NDST4: variants seen among roughly 807,000 people sequenced by gnomAD.
NDST4 encodes the protein N-deacetylase and N-sulfotransferase 4.
In NDST4, 63 loss-of-function variants were observed where a neutral mutation model predicts 100.8. The observed-to-expected ratio is 0.62, with a 90% CI of 0.51 to 0.77. The LOEUF is 0.77. Ranked by LOEUF, NDST4 falls within the 30% of genes least tolerant of loss-of-function variation. NDST4 has a pLI of 0.00. For missense variants in NDST4, 943 were observed against 1,018.4 expected, an observed-to-expected ratio of 0.93 and a Z score of 1.01; for synonymous variants, 377 against 361.8, an observed-to-expected ratio of 1.04 and a Z score of -0.48.
intron 10 of NDST4, among the ~76,000 whole-genome samples, chr4:114,843,324 A>G (rs915927830): frequency 6.6e-6 from 1 of 152,096 alleles, no homozygotes; most frequent in Non-Finnish European, 1.5e-5. Context: ...TCCTATAGCC[A>G]TTCTTTCCTG....
intron 2 of NDST4, among the ~76,000 whole-genome samples, chr4:115,039,570 A>G (rs955182227): frequency 6.6e-6 from 1 of 152,190 alleles, no homozygotes; most frequent in African/African-American, 2.4e-5. Flanking sequence ...GCTGTTCATA[A>G]CAGCTATATC....
At chr4:114,830,421 A>G (rs1239742239) in intron 12 of NDST4, among the ~76,000 whole-genome samples, 2 of 152,232 alleles carry the variant, frequency 1.3e-5, no homozygotes, top group East Asian at 3.8e-4. Flanking sequence ...TACACTTTTC[A>G]AAAAACAAAT....
At chr4:114,941,502 T>C (rs1316338970) in intron 4 of NDST4, among the ~76,000 whole-genome samples, 1 of 152,202 alleles carries the variant, frequency 6.6e-6, no homozygotes, top group Non-Finnish European at 1.5e-5. Flanking sequence ...TCATTTTTTT[T>C]ATGAAAATGA....
chr4:114,851,292 T>G (rs1406814180), intron 8 of NDST4, among the ~76,000 whole-genome samples: 1 of 152,186 alleles, frequency 6.6e-6, no homozygotes, highest in Non-Finnish European at 1.5e-5. Context: ...CAATTGGATT[T>G]TAAGAATTAC....
At chr4:114,939,004 A>G (rs1216169774) in intron 4 of NDST4, among the ~76,000 whole-genome samples, 1 of 152,202 alleles carries the variant, frequency 6.6e-6, no homozygotes, top group African/African-American at 2.4e-5. Context: ...TTCCAACACA[A>G]GGCAAAGCTG....
chr4:114,969,259 A>C (rs1474322010), intron 4 of NDST4, among the ~76,000 whole-genome samples: 1 of 141,890 alleles, frequency 7.0e-6, no homozygotes, highest in Non-Finnish European at 1.5e-5. Context: ...GCTTGCAGTG[A>C]GCCGAGATCC....
intron 1 of NDST4, among the ~76,000 whole-genome samples, chr4:115,104,942 T>C (rs1376432406): frequency 6.6e-6 from 1 of 152,162 alleles, no homozygotes; most frequent in Non-Finnish European, 1.5e-5. Context: ...TTTCCCACTG[T>C]GTACTAGAAA....
intron 7 of NDST4, among the ~76,000 whole-genome samples, chr4:114,862,466 T>C (rs755028124): frequency 2.0e-5 from 3 of 152,198 alleles, no homozygotes; most frequent in Non-Finnish European, 2.9e-5. Context: ...TCAGAGTAGA[T>C]GTTCACTTCA....
chr4:115,076,757 C>T lies in NDST4; in HGVS notation c.280G>A (p.Asp94Asn), dbSNP rs755372289. The T allele has an allele frequency of 2.5e-6, 4 of 1,613,832 alleles. No homozygotes were observed. The highest frequency in any genetic ancestry group is 2.7e-5 in the African/African-American group (2 of 74,904). ...CTGGACTCCAAAATAGCTATGATAT[C>T]TTGACCGAGTTGAGAGTATTGGCTC... is the stretch of plus-strand genomic sequence containing the variant. Reference protein sequence around the residue: ...VESQYSQLGQDIIAILESSRF... With the variant: ...VESQYSQLGQNIIAILESSRF... Residue 94 changes from aspartate (D) to asparagine (N), a missense_variant, in exon 2 of 14, where the codon GAT (aspartate) becomes AAT (asparagine). By Grantham distance (23) the Asp-to-Asn change is conservative. This residue lies in a region of NDST4 where 417 missense variants were observed against 384.2 expected (regional missense o/e 1.09). Coordinates refer to ENST00000264363, the MANE Select transcript of NDST4 (RefSeq NM_022569.3).
chr4:114,940,453 C>T (rs1355500900), intron 4 of NDST4, among the ~76,000 whole-genome samples: 1 of 152,120 alleles, frequency 6.6e-6, no homozygotes, highest in East Asian at 1.9e-4. Context: ...CTTTTAATTG[C>T]TTAGTTGAAA....
Position 115,004,341 on chromosome 4 carries a change from G to C in NDST4, c.979-27067C>G, listed in dbSNP as rs563377815. On this transcript the variant is annotated intron_variant, in intron 2 of 13. Coordinates refer to ENST00000264363, the MANE Select transcript of NDST4 (RefSeq NM_022569.3). Reference sequence around the variant, plus strand: ...ATTTACCAAAACAATAAATATATAAGAATTTTTAGTGGAGATCTAGGAAAG... The same window carrying C: ...ATTTACCAAAACAATAAATATATAACAATTTTTAGTGGAGATCTAGGAAAG... 2.0e-5 allele frequency among the ~76,000 whole-genome samples: 3 copies of C among 152,150 alleles called. No individual in the cohort carries two copies. In the East Asian group the frequency reaches 5.8e-4, roughly 29 times the overall value.
chr4:115,029,599 A>G (rs1728071632), intron 2 of NDST4, among the ~76,000 whole-genome samples: 1 of 152,020 alleles, frequency 6.6e-6, no homozygotes, highest in Admixed American at 6.6e-5. Context: ...TTTTTAGTTT[A>G]TGATGTGGGG....
intron 3 of NDST4, 77 bp from the exon 4 acceptor site, chr4:114,970,661 T>A: frequency 7.7e-7 from 1 of 1,301,704 alleles, no homozygotes; most frequent in Non-Finnish European, 1.1e-6. Flanking sequence ...CAGATTTATG[T>A]TAATTTTTCA....
chr4:115,034,076 T>C (rs1728180228), intron 2 of NDST4, among the ~76,000 whole-genome samples: 1 of 152,092 alleles, frequency 6.6e-6, no homozygotes, highest in African/African-American at 2.4e-5. Flanking sequence ...CTCACTTTGC[T>C]CCAGAGGATA....
At chr4:114,994,552 A>C (rs1257401625) in intron 2 of NDST4, among the ~76,000 whole-genome samples, 1 of 152,004 alleles carries the variant, frequency 6.6e-6, no homozygotes. Context: ...GTAGGTGCTC[A>C]ACACTCATGT....
intron 1 of NDST4, among the ~76,000 whole-genome samples, chr4:115,105,844 T>C (rs1254935691): frequency 6.6e-6 from 1 of 152,138 alleles, no homozygotes; most frequent in Non-Finnish European, 1.5e-5. Flanking sequence ...TCCTTTTGCA[T>C]AAAAAAGTAT....
intron 2 of NDST4, among the ~76,000 whole-genome samples, chr4:115,068,995 C>G (rs929170928): frequency 6.6e-6 from 1 of 151,918 alleles, no homozygotes; most frequent in South Asian, 2.1e-4. Context: ...ACTGTCACCT[C>G]TTAATTTTGG....
rs543778317 is a variant in NDST4 at position 115,004,127 on chromosome 4, C to T, written c.979-26853G>A. 5.9e-5 allele frequency among the ~76,000 whole-genome samples: 9 copies of T among 152,146 alleles called. No individual in the cohort carries two copies. The South Asian group carries it at 8.3e-4, about 14-fold the overall frequency. ...CTTTGCCTATCTCTATGGATCTAAT[C>T]GCCTAAGCCTTTGTTTATTTTAATC... On this transcript the variant is annotated intron_variant, in intron 2 of 13. Coordinates refer to ENST00000264363, the MANE Select transcript of NDST4 (RefSeq NM_022569.3).
intron 7 of NDST4, among the ~76,000 whole-genome samples, chr4:114,865,882 C>A (rs1391987768): frequency 6.6e-6 from 1 of 152,050 alleles, no homozygotes; most frequent in Non-Finnish European, 1.5e-5. Context: ...GAATCAAAAT[C>A]ATGAGAAATT....
Sources: gnomAD v4.1 joint callset for allele counts (sites outside exome capture counted in the v4.1 genomes callset) on GRCh38, gnomAD v4.1.1 for gene constraint, gnomAD v4.1.1 regional missense constraint, MANE v1.5 for transcripts, NCBI Gene and HGNC (gene_info 2026-07-23, HGNC 2026-07-21) for gene names.